BRF1: variants seen among roughly 807,000 people sequenced by gnomAD.
BRF1 encodes the protein transcription factor IIIB 90 kDa subunit.
A neutral mutation model predicts 81.7 loss-of-function variants in BRF1; 59 were observed. That is an observed-to-expected ratio of 0.72 (90% CI 0.59 to 0.90). The LOEUF is 0.90. BRF1 is among the 40% of genes least tolerant of loss of function. BRF1 has a pLI of 0.00. For missense variants in BRF1, 1,050 were observed against 936.3 expected (o/e 1.12, Z -1.58); for synonymous variants, 491 against 395.6 (o/e 1.24, Z -2.86).
At chr14:105,312,007 G>A (rs145673785) in intron 1 of BRF1, among the ~76,000 whole-genome samples, 96 of 152,344 alleles carry the variant, frequency 6.3e-4, no homozygotes, top group African/African-American at 2.2e-3. Flanking sequence ...AGGAGTAGGG[G>A]CGCTGTGGGC....
At chr14:105,249,205 C>G in intron 5 of BRF1, 1 of 1,588,908 alleles carries the variant, frequency 6.3e-7, no homozygotes, top group East Asian at 2.3e-5. Flanking sequence ...TGCACTTCGT[C>G]GTGGGGCCCC....
intron 2 of BRF1, 102 bp from the exon 3 acceptor site, chr14:105,272,996 T>C: frequency 4.5e-6 from 6 of 1,330,616 alleles, no homozygotes; most frequent in South Asian, 3.5e-5. Flanking sequence ...ATTTGTGCTT[T>C]TCCTTGTAAG....
chr14:105,314,240 G>A (rs916383626), intron 1 of BRF1, among the ~76,000 whole-genome samples: 12 of 152,112 alleles, frequency 7.9e-5, no homozygotes, highest in Admixed American at 3.3e-4. Flanking sequence ...CCAACCCAGC[G>A]GGGGTCGGCA....
At chr14:105,243,280 A>T (rs969690440) in intron 5 of BRF1, among the ~76,000 whole-genome samples, 10 of 139,550 alleles carry the variant, frequency 7.2e-5, no homozygotes, top group African/African-American at 2.6e-4. Flanking sequence ...GTCTTTACTA[A>T]AATACAAAAA....
chr14:105,224,619 G>C (rs1393723743), intron 10 of BRF1, among the ~76,000 whole-genome samples: 1 of 152,172 alleles, frequency 6.6e-6, no homozygotes, highest in Non-Finnish European at 1.5e-5. Context: ...TGCAATCATA[G>C]CTCACTGCAC....
At chr14:105,229,193 A>G (rs1256590997) in intron 6 of BRF1, among the ~76,000 whole-genome samples, 4 of 152,166 alleles carry the variant, frequency 2.6e-5, no homozygotes, top group African/African-American at 7.2e-5. Context: ...AAGCAAACAA[A>G]CTAACTCTAA....
intron 2 of BRF1, among the ~76,000 whole-genome samples, chr14:105,277,647 G>A (rs2056901584): frequency 6.6e-6 from 1 of 152,280 alleles, no homozygotes; most frequent in Non-Finnish European, 1.5e-5. Flanking sequence ...AAAAGTGTGA[G>A]AAACACATTC....
At chr14:105,304,983 T>C (rs1431251567), upstream of BRF1, among the ~76,000 whole-genome samples, 3 of 152,150 alleles carry the variant, frequency 2.0e-5, no homozygotes, top group Admixed American at 6.5e-5. Context: ...AATCATATCA[T>C]GTGTGTTCCC....
At position 105,241,302 on chromosome 14, in the gene BRF1, C is replaced by A; in HGVS notation, c.657G>T (p.Met219Ile). 1 of 1,612,612 alleles carries A rather than the reference C, an allele frequency of 6.2e-7. No individual in the cohort carries two copies. The highest frequency in any genetic ancestry group is 1.1e-5 in the South Asian group (1 of 91,080). Residue 219 changes from methionine to isoleucine, a missense_variant, in exon 6 of 18, where the codon ATG (methionine) becomes ATT (isoleucine). This residue lies in a region of BRF1 where 1,043 missense variants were observed against 915.4 expected (regional missense o/e 1.14). Coordinates refer to ENST00000547530, the MANE Select transcript of BRF1 (RefSeq NM_001519.4). Reference protein sequence around the residue: ...RLLQRMKRDWMHTGRRPSGLC... With the variant: ...RLLQRMKRDWIHTGRRPSGLC... ...GGCCCGAGGGGCGCCGGCCTGTGTG[C>A]ATCCAGTCCCGCTTCATCCTCTGTA...
At chr14:105,226,485 G>A (rs587681290) in intron 8 of BRF1, 149 bp downstream of exon 8, 39 of 1,483,600 alleles carry the variant, frequency 2.6e-5, no homozygotes, top group Admixed American at 2.5e-4. Flanking sequence ...GGGGCATCCC[G>A]GAGCCTCGGG....
intron 3 of BRF1, among the ~76,000 whole-genome samples, chr14:105,265,312 T>C (rs914961216): frequency 2.0e-5 from 3 of 152,164 alleles, no homozygotes; most frequent in Non-Finnish European, 4.4e-5. Context: ...CCCAAAGCGC[T>C]GGGATTACAC....
At chr14:105,251,491 C>T (rs1311452640) in intron 5 of BRF1, among the ~76,000 whole-genome samples, 1 of 152,216 alleles carries the variant, frequency 6.6e-6, no homozygotes, top group Non-Finnish European at 1.5e-5. Context: ...CCTTGTCTCT[C>T]TCCTCCCACT....
intron 1 of BRF1, among the ~76,000 whole-genome samples, chr14:105,291,062 A>G (rs587596722): frequency 7.2e-5 from 11 of 152,294 alleles, no homozygotes; most frequent in East Asian, 3.9e-4. Context: ...GCGTGTTTCT[A>G]TAACAAAAAA....
At chr14:105,241,575 C>A in intron 5 of BRF1, 161 bp from the exon 6 acceptor site, 1 of 930,392 alleles carries the variant, frequency 1.1e-6, no homozygotes, top group Non-Finnish European at 1.6e-6. Flanking sequence ...TGACCCTCAG[C>A]TAGGGCAGCC....
chr14:105,226,932 G>T, intron 7 of BRF1, 172 bp from the exon 8 acceptor site: 3 of 769,302 alleles, frequency 3.9e-6, no homozygotes, highest in Non-Finnish European at 6.0e-6. Flanking sequence ...AACACAGTGA[G>T]ACTCTGTCTC....
At chr14:105,211,833 TG>T (rs1165238938) in intron 16 of BRF1, 9 of 524,462 alleles carry the variant, frequency 1.7e-5, no homozygotes, top group South Asian at 1.2e-4. Flanking sequence ...ACAGGCTCCC[TG>T]CAGGCACCAG....
rs772727444 is a variant in BRF1, at chr14:105,249,135, G to C, written c.544+3372C>G. On this transcript the variant is annotated intron_variant, in intron 5 of 17. Transcript: ENST00000547530. ...GCGCCCGCGCGCGCCCACGCCCCCA[G>C]CCCGTGCCTCTACCTTTGCAGGAAC... 1.1e-5 allele frequency: 17 copies of C among 1,551,462 alleles called. No individual in the cohort carries two copies. The Admixed American group carries it at 3.0e-4, about 27-fold the overall frequency.
intron 5 of BRF1, chr14:105,248,512 C>T: frequency 1.0e-6 from 1 of 971,494 alleles, no homozygotes; most frequent in Non-Finnish European, 1.2e-6. Context: ...GCAGCGACGT[C>T]GCGCGGGGCG....
At position 105,228,701 on chromosome 14, in the gene BRF1, C is replaced by T. The variant is rs587649524; in HGVS notation, c.788+119G>A. On this transcript the variant is annotated intron_variant, in intron 7 of 17. Transcript: ENST00000547530. ...GACCGGGGCTGGGCTAGGTCCTGGC[C>T]AGCAGCCAGGCGGGGGACGGCAGGG... The T allele has an allele frequency of 1.2e-5, 14 of 1,173,098 alleles. No homozygotes were observed. In the Admixed American group the frequency reaches 1.5e-4, roughly 12 times the overall value. The allele number at this position is 1,173,098 out of a possible 1,614,324, so 72.7% of individuals were successfully genotyped here.
Sources: allele counts gnomAD v4.1 joint callset (sites outside exome capture counted in the v4.1 genomes callset), GRCh38; gene constraint gnomAD v4.1.1; regional missense constraint gnomAD v4.1.1; transcripts MANE v1.5; gene names NCBI Gene and HGNC (gene_info 2026-07-23, HGNC 2026-07-21).